HSPA12A: variants seen among roughly 807,000 people sequenced by gnomAD.
HSPA12A encodes heat shock 70 kDa protein 12A.
A neutral mutation model predicts 69.2 loss-of-function variants in HSPA12A; 28 were observed. The ratio of observed to expected loss-of-function variants is 0.40; its 90% confidence interval spans 0.30 to 0.55. The LOEUF (loss-of-function observed/expected upper bound fraction) is 0.55. HSPA12A is among the 20% of genes least tolerant of loss of function. The pLI is 0.38. For missense variants in HSPA12A, 686 were observed against 900.7 expected (o/e 0.76, Z 3.05); for synonymous variants, 345 against 370.5 (o/e 0.93, Z 0.79).
At chr10:116,835,097 G>A (rs1222518196) in intron 1 of HSPA12A, 5 of 955,666 alleles carry the variant, frequency 5.2e-6, no homozygotes, top group East Asian at 3.5e-5. Context: ...TCGCGTACTC[G>A]TGCTGGTTGA....
At chr10:116,691,757 T>C (rs1849744106) in intron 6 of HSPA12A, among the ~76,000 whole-genome samples, 1 of 152,242 alleles carries the variant, frequency 6.6e-6, no homozygotes, top group African/African-American at 2.4e-5. Context: ...TCTGTCTCCC[T>C]GGCCAACAAG....
chr10:116,732,199 G>T (rs919602184), intron 1 of HSPA12A, among the ~76,000 whole-genome samples: 1 of 151,870 alleles, frequency 6.6e-6, no homozygotes, highest in Non-Finnish European at 1.5e-5. Context: ...GTGTGGTGGT[G>T]CATGCCTGTA....
chr10:116,841,095 C>T (rs1282583150), intron 1 of HSPA12A, among the ~76,000 whole-genome samples: 1 of 152,116 alleles, frequency 6.6e-6, no homozygotes, highest in Non-Finnish European at 1.5e-5. Context: ...CTCACTTTTG[C>T]CTCAATTATT....
chr10:116,848,549 A>C (rs987698089), intron 1 of HSPA12A, among the ~76,000 whole-genome samples: 1 of 152,210 alleles, frequency 6.6e-6, no homozygotes, highest in Non-Finnish European at 1.5e-5. Context: ...AGGAAACATA[A>C]ACAGGCGTGA....
intron 2 of HSPA12A, among the ~76,000 whole-genome samples, chr10:116,762,740 C>T (rs1307235502): frequency 4.6e-5 from 7 of 152,264 alleles, no homozygotes; most frequent in South Asian, 2.1e-4. Flanking sequence ...CATGCCACTA[C>T]GTCTGGCTGA....
chr10:116,763,356 C>T (rs1844011745), intron 2 of HSPA12A, among the ~76,000 whole-genome samples: 3 of 152,164 alleles, frequency 2.0e-5, no homozygotes, highest in African/African-American at 4.8e-5. Context: ...ACCGGTGAAA[C>T]ACGATCATTT....
intron 6 of HSPA12A, among the ~76,000 whole-genome samples, chr10:116,691,565 C>G (rs1000259688): frequency 1.3e-5 from 2 of 152,196 alleles, no homozygotes; most frequent in African/African-American, 4.8e-5. Flanking sequence ...AGAGCTGACC[C>G]AGGCCCCAGG....
intron 2 of HSPA12A, among the ~76,000 whole-genome samples, chr10:116,767,758 C>A (rs572121064): frequency 3.3e-5 from 5 of 152,144 alleles, no homozygotes. Flanking sequence ...CTTCTGATGC[C>A]GTGTGTGGCT....
At chr10:116,760,976 G>C (rs903786879) in intron 2 of HSPA12A, among the ~76,000 whole-genome samples, 1 of 152,000 alleles carries the variant, frequency 6.6e-6, no homozygotes, top group Admixed American at 6.6e-5. Flanking sequence ...AGGCTAGCTA[G>C]ATGTACGTGG....
Position 116,723,898 on chromosome 10 carries a change from T to C in HSPA12A, c.41-16613A>G, listed in dbSNP as rs1337544179. 1.3e-5 allele frequency among the ~76,000 whole-genome samples: 2 copies of C among 152,086 alleles called. No homozygotes were observed. Among genetic ancestry groups the C allele is most frequent in the East Asian group, 3.9e-4 (2 of 5,180 alleles). ...ATGCCCACCTGAGGGCCCCTGACCA[T>C]ACCCCAGTAGCTGAGGCCAGCGGGT... On this transcript the variant is annotated intron_variant, in intron 1 of 11. Transcript: ENST00000369209. The surrounding 1 kb of genome is among the most constrained non-coding windows in gnomAD (Gnocchi z 4.1).
chr10:116,793,011 T>C (rs1327511065), intron 2 of HSPA12A, among the ~76,000 whole-genome samples: 2 of 152,160 alleles, frequency 1.3e-5, no homozygotes, highest in Non-Finnish European at 2.9e-5. Context: ...GTTAGAAGAA[T>C]GGATGATTCA....
intron 1 of HSPA12A, among the ~76,000 whole-genome samples, chr10:116,734,212 A>G (rs1261553935): frequency 6.8e-6 from 1 of 147,226 alleles, no homozygotes; most frequent in Non-Finnish European, 1.5e-5. Context: ...GAGCTTTGGG[A>G]AACCAAGACA....
At chr10:116,839,317 A>C (rs1845766097) in intron 1 of HSPA12A, among the ~76,000 whole-genome samples, 1 of 152,178 alleles carries the variant, frequency 6.6e-6, no homozygotes, top group South Asian at 2.1e-4. Context: ...ATGAGCACAG[A>C]CTTCGCTCCC....
rs192080772 is a variant in HSPA12A at position 116,811,278 on chromosome 10, G to A, written c.91+23657C>T. On this transcript the variant is annotated intron_variant, in intron 2 of 12. Transcript: ENST00000635765. Reference sequence around the variant, plus strand: ...GAAGAGTGGCCAATGCAGAATCAGAGGGAGCTGAGAGAGACTGAGGCTGAG... The same window carrying A: ...GAAGAGTGGCCAATGCAGAATCAGAAGGAGCTGAGAGAGACTGAGGCTGAG... 3.9e-5 allele frequency among the ~76,000 whole-genome samples: 6 copies of A among 152,298 alleles called. No individual in the cohort carries two copies. The East Asian group carries it at 1.2e-3, about 29-fold the overall frequency.
intron 1 of HSPA12A, among the ~76,000 whole-genome samples, chr10:116,714,232 T>C (rs1554883509): frequency 1.3e-5 from 2 of 152,216 alleles, no homozygotes; most frequent in African/African-American, 4.8e-5. Flanking sequence ...CAGGGAGTTC[T>C]TTCCCAACTG....
At chr10:116,774,961 T>C (rs1844301791) in intron 2 of HSPA12A, among the ~76,000 whole-genome samples, 1 of 151,620 alleles carries the variant, frequency 6.6e-6, no homozygotes, top group Non-Finnish European at 1.5e-5. Context: ...CCAGGTCGAC[T>C]GCTACACACC....
chr10:116,801,410 A>G (rs1464472221), intron 2 of HSPA12A, among the ~76,000 whole-genome samples: 1 of 152,220 alleles, frequency 6.6e-6, no homozygotes, highest in East Asian at 1.9e-4. Flanking sequence ...CATTTTAATC[A>G]GCAACAGAAA....
At chr10:116,702,064 G>T (rs969095335) in intron 3 of HSPA12A, among the ~76,000 whole-genome samples, 1 of 151,910 alleles carries the variant, frequency 6.6e-6, no homozygotes, top group Non-Finnish European at 1.5e-5. Flanking sequence ...AGCTATGATC[G>T]CATCACTGCA....
chr10:116,678,612 G>T lies in HSPA12A; in HGVS notation c.1286+891C>A, dbSNP rs972473367. Among the ~76,000 whole-genome samples, 3 of 150,756 alleles carry T rather than the reference G, an allele frequency of 2.0e-5. No individual in the cohort carries two copies. In the East Asian group the frequency reaches 5.8e-4, roughly 29 times the overall value. ...AAAAAAAAAAAAAAAAAGACAAATG[G>T]AAAAATGTTAATGTTAATTAGATAC... On this transcript the variant is annotated intron_variant, in intron 10 of 11. Coordinates refer to ENST00000369209, the MANE Select transcript of HSPA12A (RefSeq NM_025015.3).
Sources: gnomAD v4.1 joint callset for allele counts (sites outside exome capture counted in the v4.1 genomes callset) on GRCh38, gnomAD v4.1.1 for gene constraint, Gnocchi (gnomAD v3.1) non-coding constraint, MANE v1.5 for transcripts, NCBI Gene and HGNC (gene_info 2026-07-23, HGNC 2026-07-21) for gene names.